The following SAFB variants were observed in gnomAD, a reference collection of about 807,000 sequenced individuals.
SAFB encodes the protein scaffold attachment factor B1.
Under a neutral mutation model 101.6 loss-of-function variants are expected in SAFB, and 15 were observed. The ratio of observed to expected loss-of-function variants is 0.15; its 90% CI spans 0.10 to 0.23. The LOEUF (loss-of-function observed/expected upper bound fraction) is 0.23, where lower values mean the gene tolerates loss of function less well. Ranked by LOEUF, SAFB falls within the 10% of genes least tolerant of loss-of-function variation. SAFB has a pLI of 1.00. For synonymous variants in SAFB, 449 were observed against 407.5 expected (o/e 1.10, Z -1.23); for missense variants, 930 against 1,104.1 (o/e 0.84, Z 2.23).
At chr19:5,623,495 C>T (rs2053242842) in intron 1 of SAFB, 101 bp downstream of exon 1, 1 of 979,034 alleles carries the variant, frequency 1.0e-6, no homozygotes, top group East Asian at 2.9e-5. Context: ...GCCGCGTTCG[C>T]GGCCTCGCCG....
chr19:5,641,165 C>T (rs765773693), intron 2 of SAFB, among the ~76,000 whole-genome samples: 7 of 152,172 alleles, frequency 4.6e-5, no homozygotes, highest in Non-Finnish European at 8.8e-5. Context: ...CCATCGCATC[C>T]GGCCCTTCTT....
At chr19:5,643,858 CAAAAAAA>C (rs550517968) in intron 4 of SAFB, among the ~76,000 whole-genome samples, 2 of 114,514 alleles carry the variant, frequency 1.7e-5, no homozygotes, top group Middle Eastern at 4.5e-3. Context: ...GTGAGACTCT[CAAAAAAA>C]AAAAAAAAGA....
chr19:5,651,150 C>T (rs2053929821), intron 9 of SAFB, 78 bp downstream of exon 9: 1 of 874,584 alleles, frequency 1.1e-6, no homozygotes, highest in Admixed American at 2.3e-5. Context: ...CCTCTCCCCT[C>T]AGTGAGTTCT....
chr19:5,663,145 G>A (rs922248103), intron 15 of SAFB, among the ~76,000 whole-genome samples: 1 of 151,926 alleles, frequency 6.6e-6, no homozygotes, highest in African/African-American at 2.4e-5. Context: ...TAGGATTATA[G>A]GCATGTGCTA....
intron 2 of SAFB, among the ~76,000 whole-genome samples, chr19:5,629,446 AT>A (rs1829425759): frequency 1.3e-5 from 2 of 151,996 alleles, no homozygotes; most frequent in Admixed American, 1.3e-4. Flanking sequence ...ATATATAGGT[AT>A]GTGCACACAC....
chr19:5,667,350 C>G lies in SAFB; in HGVS notation c.2457C>G (p.Gly819=), dbSNP rs1266007354. The change falls in exon 19 of 21, where the codon GGC becomes GGG. Residue 819 remains glycine, a synonymous_variant. Transcript: ENST00000588852. The surrounding 1 kb of genome is among the most constrained non-coding windows in gnomAD (Gnocchi z 4.0). ...EGRGLPPPPR[G]RRDWGDHGRR... is the part of the protein sequence containing the mutation. The stretch of plus-strand genomic sequence containing the variant: ...TCAGAGATGTCTCTCTTTCAAGGGG[C>G]AGACGTGACTGGGGGGACCATGGCC... The G allele has an allele frequency of 6.7e-7, 1 of 1,494,638 alleles. No homozygotes were observed. Among genetic ancestry groups the G allele is most frequent in the Admixed American group, 2.8e-5 (1 of 36,124 alleles). The allele number at this position is 1,494,638 out of a possible 1,614,324, so 92.6% of individuals were successfully genotyped here.
At chr19:5,656,668 C>T (rs893396241) in intron 13 of SAFB, among the ~76,000 whole-genome samples, 2 of 151,666 alleles carry the variant, frequency 1.3e-5, no homozygotes, top group African/African-American at 2.4e-5. Flanking sequence ...CTACTGCCTC[C>T]CAGGTTCAAG....
chr19:5,648,878 C>T (rs2053879486), intron 6 of SAFB, 111 bp from the exon 7 acceptor site: 7 of 452,812 alleles, frequency 1.5e-5, no homozygotes, highest in South Asian at 1.3e-4. Context: ...CTCTGTGTAG[C>T]TAGCAGTTCT....
At chr19:5,662,133 C>T (rs1051258006) in intron 15 of SAFB, among the ~76,000 whole-genome samples, 2 of 152,162 alleles carry the variant, frequency 1.3e-5, no homozygotes, top group South Asian at 4.1e-4. Flanking sequence ...GATCCACCTG[C>T]CTCGGCCTCC....
At chr19:5,630,010 C>T (rs903958005) in intron 2 of SAFB, among the ~76,000 whole-genome samples, 3 of 152,196 alleles carry the variant, frequency 2.0e-5, no homozygotes, top group African/African-American at 7.2e-5. Context: ...CCACTGCACT[C>T]CAGCCTTGGC....
In SAFB at chr19:5,668,175, G is replaced by T. The variant is rs1304700500; in HGVS notation, c.2638G>T (p.Ala880Ser). The T allele has an allele frequency of 6.2e-7, 1 of 1,605,650 alleles. No homozygotes were observed. ...ATTTGTTCCTAGGCGCGGCAGCTTT[G>T]CCCCAGGCGGGGCCTCCCGGGGCCA... ...RGGMSGRGSF[A>S]PGGASRGHPI... Residue 880 changes from alanine (A) to serine (S), a missense_variant, in exon 21 of 21, where the codon GCC becomes TCC. Physicochemically the swap from Ala to Ser is moderately conservative, Grantham distance 99. This residue lies in a region of SAFB where 318 missense variants were observed against 342.6 expected (regional missense o/e 0.93). Coordinates refer to ENST00000588852, the MANE Select transcript of SAFB (RefSeq NM_001201338.2).
At chr19:5,654,600 T>C (rs1014582590) in intron 13 of SAFB, 144 bp downstream of exon 13, 1 of 654,630 alleles carries the variant, frequency 1.5e-6, no homozygotes, top group African/African-American at 1.8e-5. Flanking sequence ...ACTATTTTTT[T>C]TGAGACAGGT....
chr19:5,639,791 T>C (rs1228699084), intron 2 of SAFB, among the ~76,000 whole-genome samples: 3 of 152,110 alleles, frequency 2.0e-5, no homozygotes, highest in Non-Finnish European at 2.9e-5. Context: ...ACATATGATA[T>C]ATAAACTTCA....
chr19:5,640,569 C>A (rs1285878957), intron 2 of SAFB, among the ~76,000 whole-genome samples: 1 of 151,628 alleles, frequency 6.6e-6, no homozygotes, highest in Non-Finnish European at 1.5e-5. Flanking sequence ...TAAAAAAAAA[C>A]CTTCCTCTGC....
chr19:5,664,220 AC>A (rs1449251485), intron 16 of SAFB, 61 bp downstream of exon 16: 32 of 1,575,966 alleles, frequency 2.0e-5, no homozygotes, highest in Middle Eastern at 3.4e-4. Context: ...CTGACTGAGA[AC>A]AAGGACTCCT....
At chr19:5,660,989 C>T (rs573666445) in intron 14 of SAFB, among the ~76,000 whole-genome samples, 2 of 124,844 alleles carry the variant, frequency 1.6e-5, no homozygotes, top group South Asian at 2.8e-4. Context: ...AGTGCAGTGG[C>T]TCACTGCAAC....
chr19:5,641,130 A>G (rs1048799976), intron 2 of SAFB, among the ~76,000 whole-genome samples: 1 of 152,038 alleles, frequency 6.6e-6, no homozygotes, highest in African/African-American at 2.4e-5. Context: ...TAGGCCTCCC[A>G]AAGTGCTGGG....
At chr19:5,653,545 C>T (rs528881277) in intron 11 of SAFB, 125 bp downstream of exon 11, 1 of 761,514 alleles carries the variant, frequency 1.3e-6, no homozygotes, top group Admixed American at 2.5e-5. Context: ...CGGCTCACCT[C>T]AACTCCACCT....
rs749343974 is a variant in SAFB at position 5,651,051 on chromosome 19, T to C, written c.1272T>C (p.Asn424=). 5.0e-6 allele frequency: 8 copies of C among 1,607,608 alleles called. No homozygotes were observed. Among genetic ancestry groups the C allele is most frequent in the Middle Eastern group, 3.3e-4 (2 of 6,068 alleles). The change falls in exon 9 of 21, where the codon AAT becomes AAC. Residue 424 remains asparagine (N), a synonymous_variant. Transcript: ENST00000588852. ...CAACCAGAGCTACAGATTTGAAGAA[T>C]CTTTTCAGCAAATATGGGAAGGTAA... is the stretch of plus-strand genomic sequence containing the variant. ...SSTTRATDLK[N]LFSKYGKVVG...
Sources: allele counts gnomAD v4.1 joint callset (sites outside exome capture counted in the v4.1 genomes callset), GRCh38; gene constraint gnomAD v4.1.1; regional missense constraint gnomAD v4.1.1; non-coding constraint Gnocchi (gnomAD v3.1); transcripts MANE v1.5; gene names NCBI Gene and HGNC (gene_info 2026-07-23, HGNC 2026-07-21).